The following GEN1 variants were observed in gnomAD, a reference collection of about 807,000 sequenced individuals.
GEN1 encodes GEN1 structure-specific endonuclease.
A neutral mutation model predicts 67.6 loss-of-function variants in GEN1; 64 were observed. The observed-to-expected ratio is 0.95, with a 90% CI of 0.77 to 1.17. The LOEUF (loss-of-function observed/expected upper bound fraction) is 1.17, where lower values mean the gene tolerates loss of function less well. Among genes scored for constraint, GEN1 ranks in the 50% most tolerant of loss-of-function variants. GEN1 has a pLI of 0.00. For synonymous variants in GEN1, 371 were observed against 359.4 expected (o/e 1.03, Z -0.37); for missense variants, 1,058 against 1,048.3 (o/e 1.01, Z -0.13).
chr2:17,764,861 A>G lies in GEN1; in HGVS notation c.349-36A>G. The G allele has an allele frequency of 2.5e-6, 4 of 1,581,532 alleles. No individual in the cohort carries two copies. In the South Asian group the frequency reaches 3.4e-5, roughly 14 times the overall value. The stretch of plus-strand genomic sequence containing the variant: ...TAGTAAATAAATGAGCAGTGAAAAC[A>G]TTCTTTAACATCTTGCACCTGCTTT... On this transcript the variant is annotated intron_variant, in intron 3 of 13. Transcript: ENST00000381254.
At chr2:17,777,182 A>C (rs1461448459) in intron 11 of GEN1, among the ~76,000 whole-genome samples, 3 of 152,204 alleles carry the variant, frequency 2.0e-5, no homozygotes, top group African/African-American at 7.2e-5. Flanking sequence ...AGCAAGAAAA[A>C]AAATGAACAC....
intron 5 of GEN1, among the ~76,000 whole-genome samples, chr2:17,766,901 T>A (rs1484085099): frequency 6.6e-6 from 1 of 152,228 alleles, no homozygotes. Flanking sequence ...TAAGCAAGAA[T>A]AGAATAATGT....
intron 12 of GEN1, among the ~76,000 whole-genome samples, chr2:17,779,040 A>G (rs1277399069): frequency 6.6e-6 from 1 of 152,174 alleles, no homozygotes; most frequent in Non-Finnish European, 1.5e-5. Flanking sequence ...CTCCTGCCTC[A>G]GCCTCCCAAG....
chr2:17,784,874 T>G lies in GEN1; in HGVS notation c.*2935T>G, dbSNP rs188830454. 2.0e-4 allele frequency: 30 copies of G among 152,324 alleles called. No individual in the cohort carries two copies. Among genetic ancestry groups the G allele is most frequent in the African/African-American group, 6.5e-4 (27 of 41,572 alleles). 9.4% of individuals were successfully genotyped at this position (152,324 alleles called of 1,614,324 possible). A position where few individuals can be genotyped will look rare whatever the true frequency, so the allele number is the denominator to read the frequency against. ...GGGAGTGGCCAGTCTGAGTTCATTT[T>G]GCTATATAGCTCAGGAGTCCCCAAC... On this transcript the variant is annotated 3_prime_UTR_variant, in exon 14 of 14. Coordinates refer to ENST00000381254, the MANE Select transcript of GEN1 (RefSeq NM_001130009.3).
chr2:17,776,961 CTACAAA>C (rs1239727999), intron 11 of GEN1, among the ~76,000 whole-genome samples: 1 of 152,056 alleles, frequency 6.6e-6, no homozygotes, highest in Non-Finnish European at 1.5e-5. Flanking sequence ...CACCTGTCTA[CTACAAA>C]TACAAAACAT....
intron 3 of GEN1, among the ~76,000 whole-genome samples, chr2:17,764,301 T>C (rs532666915): frequency 6.6e-6 from 1 of 152,316 alleles, no homozygotes; most frequent in South Asian, 2.1e-4. Context: ...TATGATAGCA[T>C]CTTCTTTGGA....
chr2:17,769,247 ATT>A (rs890168114), intron 6 of GEN1, among the ~76,000 whole-genome samples: 1 of 146,606 alleles, frequency 6.8e-6, no homozygotes, highest in Non-Finnish European at 1.5e-5. Flanking sequence ...TTAATTTTTA[ATT>A]TTTTTTTTTG....
rs926256786 is a variant in GEN1 at position 17,781,745 on chromosome 2, A to G, written c.2533A>G (p.Ile845Val). 5 of 1,613,558 alleles carry G rather than the reference A, an allele frequency of 3.1e-6. No individual in the cohort carries two copies. Among genetic ancestry groups the G allele is most frequent in the Middle Eastern group, 1.6e-4 (1 of 6,082 alleles). The change falls in exon 14 of 14, where the codon ATA becomes GTA. Residue 845 changes from isoleucine to valine, a missense_variant. Ile to Val is a conservative substitution (Grantham distance 29). Transcript: ENST00000381254. ...CCATAACAAGTTGAGTAGCCCTAAG[A>G]TACATATTAAAGAAACTGAACAGTG... Reference protein sequence around the residue: ...SGHNKLSSPKIHIKETEQCVR... With the variant: ...SGHNKLSSPKVHIKETEQCVR...
Position 17,774,364 on chromosome 2 carries a change from C to T in GEN1, c.1165C>T (p.Leu389Phe). The T allele has an allele frequency of 6.2e-7, 1 of 1,605,122 alleles. No homozygotes were observed. Among genetic ancestry groups the T allele is most frequent in the East Asian group, 2.3e-5 (1 of 44,438 alleles). The change falls in exon 11 of 14, where the codon CTT becomes TTT. Residue 389 changes from leucine to phenylalanine, a missense_variant. Transcript: ENST00000381254. Reference protein sequence around the residue: ...LTHYDMIERKLGSRNSNQLQP... With the variant: ...LTHYDMIERKFGSRNSNQLQP... ...CCATTATGACATGATAGAAAGAAAGCTTGGTAGCAGAAACTCTAATCAACT... is the reference window on the plus strand; with the variant it reads ...CCATTATGACATGATAGAAAGAAAGTTTGGTAGCAGAAACTCTAATCAACT...
At position 17,766,591 on chromosome 2, in the gene GEN1, G is replaced by T. The variant is rs762661486; in HGVS notation, c.538G>T (p.Asp180Tyr). The T allele has an allele frequency of 4.4e-6, 7 of 1,582,952 alleles. 1 individual carries two copies. The South Asian group carries it at 7.9e-5, about 18-fold the overall frequency. ...FTMNTKDPHV[D>Y]CYTMSSIKSK... ...GTTCTTTCTTTAGGACCCACATGTT[G>T]ACTGTTACACAATGTCATCTATCAA... is the stretch of plus-strand genomic sequence containing the variant. The change falls in exon 5 of 14, where the codon GAC (aspartate) becomes TAC (tyrosine). Residue 180 changes from aspartate to tyrosine, a missense_variant. Coordinates refer to ENST00000381254, the MANE Select transcript of GEN1 (RefSeq NM_001130009.3).
In GEN1 at chr2:17,772,700, A is replaced by T; in HGVS notation, c.869A>T (p.His290Leu). 1.2e-6 allele frequency: 2 copies of T among 1,612,348 alleles called. No individual in the cohort carries two copies. The highest frequency in any genetic ancestry group is 1.7e-4 in the Middle Eastern group (1 of 6,048). ...AAAAGTGATAAATATTGTGAGCCAC[A>T]TGACTATGAATACTGCTGTCCTTGT... is the stretch of plus-strand genomic sequence containing the variant. ...LCKSDKYCEPHDYEYCCPCEW... is the reference protein window; with the variant it reads ...LCKSDKYCEPLDYEYCCPCEW... Residue 290 changes from histidine (H) to leucine (L), a missense_variant, in exon 8 of 14, where the codon CAT becomes CTT. Physicochemically the swap from His to Leu is moderately conservative, Grantham distance 99. Transcript: ENST00000381254.
At chr2:17,776,138 G>GAAA (rs1672417479) in intron 11 of GEN1, among the ~76,000 whole-genome samples, 1 of 139,814 alleles carries the variant, frequency 7.2e-6, no homozygotes, top group African/African-American at 2.7e-5. Flanking sequence ...AAAAAAAAAG[G>GAAA]AAAGTTTAAT....
At chr2:17,775,980 G>T (rs942988870) in intron 11 of GEN1, among the ~76,000 whole-genome samples, 1 of 152,012 alleles carries the variant, frequency 6.6e-6, no homozygotes, top group African/African-American at 2.4e-5. Context: ...GCCAGGCGTG[G>T]TGGAGAGCAC....
intron 1 of GEN1, among the ~76,000 whole-genome samples, chr2:17,758,419 G>A (rs1420448522): frequency 2.0e-5 from 3 of 152,110 alleles, no homozygotes; most frequent in Admixed American, 6.5e-5. Flanking sequence ...TGTTCTGATG[G>A]GTTAATAATT....
chr2:17,780,690 T>C lies in GEN1; in HGVS notation c.1478T>C (p.Leu493Ser). 6.2e-7 allele frequency: 1 copy of C among 1,613,918 alleles called. No homozygotes were observed. The highest frequency in any genetic ancestry group is 2.2e-5 in the East Asian group (1 of 44,842). ...ATGAGCTTTCAGTCACACATGACTT[T>C]AAAACCCACATGTGAAATCTTTCAT... ...EVMSFQSHMT[L>S]KPTCEIFHKQ... The change falls in exon 14 of 14, where the codon TTA (leucine) becomes TCA (serine). Residue 493 changes from leucine (L) to serine (S), a missense_variant. By Grantham distance (145) the Leu-to-Ser change is moderately radical. Coordinates refer to ENST00000381254, the MANE Select transcript of GEN1 (RefSeq NM_001130009.3).
chr2:17,773,695 C>T (rs978191799), intron 10 of GEN1, among the ~76,000 whole-genome samples: 26 of 152,040 alleles, frequency 1.7e-4, no homozygotes, highest in African/African-American at 6.0e-4. Context: ...CTGTGTGACC[C>T]TGGATGTGTG....
Position 17,764,984 on chromosome 2 carries a change from G to T in GEN1, c.436G>T (p.Gly146Cys). ...EAMCAYLNAG[G>C]HVDGCLTNDG... is the part of the protein sequence containing the mutation. ...CATGTGTGCTTATCTCAATGCTGGT[G>T]GTCATGTCGATGGCTGCCTCACCAA... Residue 146 changes from glycine to cysteine, a missense_variant, in exon 4 of 14, where the codon GGT (glycine) becomes TGT (cysteine). Physicochemically the swap from Gly to Cys is radical, Grantham distance 159 (BLOSUM62 -3). Transcript: ENST00000381254. The T allele has an allele frequency of 6.2e-7, 1 of 1,614,106 alleles. No individual in the cohort carries two copies. The highest frequency in any genetic ancestry group is 8.5e-7 in the Non-Finnish European group (1 of 1,179,984).
chr2:17,758,899 A>G (rs540692083), intron 1 of GEN1, among the ~76,000 whole-genome samples: 3 of 152,078 alleles, frequency 2.0e-5, no homozygotes, highest in East Asian at 3.9e-4. Flanking sequence ...CACTGGCCAC[A>G]CTATAAAATT....
At chr2:17,759,590 C>CTT (rs927670501) in intron 1 of GEN1, among the ~76,000 whole-genome samples, 1 of 145,164 alleles carries the variant, frequency 6.9e-6, no homozygotes, top group Non-Finnish European at 1.5e-5. Context: ...CCTTGCTTTT[C>CTT]TTTTTTTTTT....
Sources: allele counts gnomAD v4.1 joint callset (sites outside exome capture counted in the v4.1 genomes callset), GRCh38; gene constraint gnomAD v4.1.1; transcripts MANE v1.5; gene names NCBI Gene and HGNC (gene_info 2026-07-23, HGNC 2026-07-21).